The following FBXO16 variants were observed in gnomAD, a reference collection of about 807,000 sequenced individuals.
FBXO16 encodes F-box only protein 16.
In FBXO16, 31 loss-of-function variants were observed where a neutral mutation model predicts 41.0. The ratio of observed to expected loss-of-function variants is 0.76; its 90% CI spans 0.57 to 1.02. The LOEUF (loss-of-function observed/expected upper bound fraction) is 1.02. Among genes scored for constraint, FBXO16 ranks in the 50% least tolerant of loss-of-function variants. The probability of loss-of-function intolerance (pLI) is 0.00; values close to 1 mark genes in which losing one functional copy is unlikely to be tolerated. For synonymous variants in FBXO16, 133 were observed against 117.8 expected (o/e 1.13, Z -0.84); for missense variants, 361 against 346.2 (o/e 1.04, Z -0.34).
At chr8:28,473,651 C>A (rs753854497) in intron 3 of FBXO16, 121 bp downstream of exon 3, 155 of 853,210 alleles carry the variant, frequency 1.8e-4, no homozygotes, top group Non-Finnish European at 2.8e-4. Context: ...TTCTTTCTAT[C>A]CAAGTTGAGT....
intron 7 of FBXO16, among the ~76,000 whole-genome samples, chr8:28,445,118 C>T (rs564267694): frequency 2.0e-5 from 3 of 151,800 alleles, no homozygotes; most frequent in Non-Finnish European, 4.4e-5. Context: ...TTAATGATGC[C>T]GTATGCTCTT....
At chr8:28,443,327 G>T (rs1802809455) in intron 7 of FBXO16, among the ~76,000 whole-genome samples, 1 of 152,084 alleles carries the variant, frequency 6.6e-6, no homozygotes, top group Non-Finnish European at 1.5e-5. Flanking sequence ...CCCTGGCCAT[G>T]TGTCCTCTTT....
intron 4 of FBXO16, among the ~76,000 whole-genome samples, chr8:28,457,574 A>C (rs1803058759): frequency 6.6e-6 from 1 of 152,186 alleles, no homozygotes; most frequent in African/African-American, 2.4e-5. Context: ...GAAACCCTTT[A>C]TAAAACTATC....
chr8:28,452,520 G>A (rs749245600), intron 5 of FBXO16, 44 bp from the exon 6 acceptor site: 22 of 1,584,678 alleles, frequency 1.4e-5, no homozygotes, highest in South Asian at 9.0e-5. Context: ...ACTATAATAC[G>A]CTGGGTGCGG....
chr8:28,473,646 T>A, intron 3 of FBXO16, 126 bp downstream of exon 3: 1 of 824,332 alleles, frequency 1.2e-6, no homozygotes, highest in East Asian at 2.6e-5. Flanking sequence ...TTTTTTTCTT[T>A]CTATCCAAGT....
intron 7 of FBXO16, among the ~76,000 whole-genome samples, chr8:28,441,178 T>G (rs1284206648): frequency 6.6e-6 from 1 of 152,114 alleles, no homozygotes. Context: ...CTCCCCTACC[T>G]AATGTTGGCT....
intron 2 of FBXO16, among the ~76,000 whole-genome samples, chr8:28,481,372 G>A (rs1803509975): frequency 6.6e-6 from 1 of 152,104 alleles, no homozygotes; most frequent in Admixed American, 6.6e-5. Flanking sequence ...TAAGCGGGTG[G>A]AGAAGAGAGG....
chr8:28,481,109 G>A (rs545769404), intron 2 of FBXO16, among the ~76,000 whole-genome samples: 34 of 152,312 alleles, frequency 2.2e-4, no homozygotes, highest in African/African-American at 8.2e-4. Flanking sequence ...CAGGGGTGGA[G>A]CCGGGAAGTT....
intron 6 of FBXO16, among the ~76,000 whole-genome samples, chr8:28,451,508 T>A (rs1003052034): frequency 6.7e-6 from 1 of 150,064 alleles, no homozygotes; most frequent in Admixed American, 6.7e-5. Context: ...TACCGACACA[T>A]GCCACCTTAC....
intron 7 of FBXO16, among the ~76,000 whole-genome samples, 165 bp from the exon 8 acceptor site, chr8:28,429,568 C>T (rs577087682): frequency 6.6e-6 from 1 of 152,172 alleles, no homozygotes; most frequent in South Asian, 2.1e-4. Context: ...ACACAGATAT[C>T]GTAGCCTCCC....
At chr8:28,484,594 C>G (rs1300074173) in intron 1 of FBXO16, among the ~76,000 whole-genome samples, 2 of 152,118 alleles carry the variant, frequency 1.3e-5, no homozygotes, top group Non-Finnish European at 2.9e-5. Context: ...ATTTTATTAA[C>G]TGATTGATTT....
chr8:28,447,083 T>C (rs879869254), intron 7 of FBXO16, 88 bp downstream of exon 7: 19 of 1,230,444 alleles, frequency 1.5e-5, no homozygotes, highest in Non-Finnish European at 2.1e-5. Flanking sequence ...TCTGATTAAA[T>C]AAATGAATTC....
chr8:28,462,796 T>C (rs570368617), intron 4 of FBXO16, among the ~76,000 whole-genome samples: 1 of 152,318 alleles, frequency 6.6e-6, no homozygotes, highest in South Asian at 2.1e-4. Flanking sequence ...CCAAGGCCTG[T>C]ATGAGCACAC....
At chr8:28,476,045 T>A (rs7005499) in intron 2 of FBXO16, among the ~76,000 whole-genome samples, 76,277 of 151,996 alleles carry the variant, frequency 0.5, 21,233 homozygotes, top group African/African-American at 0.75. Context: ...ATTCTTGATG[T>A]ACTTCTGCCC....
intron 7 of FBXO16, among the ~76,000 whole-genome samples, chr8:28,444,974 G>A (rs1802841019): frequency 6.6e-6 from 1 of 151,694 alleles, no homozygotes; most frequent in African/African-American, 2.4e-5. Flanking sequence ...TTAGGAGGCC[G>A]ATGAGGGCAA....
At chr8:28,436,707 G>A (rs958879799) in intron 7 of FBXO16, among the ~76,000 whole-genome samples, 9 of 152,012 alleles carry the variant, frequency 5.9e-5, no homozygotes, top group African/African-American at 1.5e-4. Context: ...ACCATATTAC[G>A]AAACACACAT....
chr8:28,464,918 C>T (rs370841574), intron 3 of FBXO16, among the ~76,000 whole-genome samples: 11 of 152,256 alleles, frequency 7.2e-5, no homozygotes, highest in African/African-American at 2.2e-4. Flanking sequence ...TCCCAAAGTG[C>T]TAAGACTACA....
At chr8:28,470,907 G>A (rs771053310) in intron 3 of FBXO16, among the ~76,000 whole-genome samples, 10 of 152,112 alleles carry the variant, frequency 6.6e-5, no homozygotes, top group Non-Finnish European at 1.3e-4. Flanking sequence ...TCTGATTATG[G>A]TGGTTTCCAG....
At chr8:28,463,573 G>A (rs1162245160) in intron 4 of FBXO16, 39 bp downstream of exon 4, 1 of 1,604,590 alleles carries the variant, frequency 6.2e-7, no homozygotes, top group Non-Finnish European at 8.5e-7. Flanking sequence ...TCCTAAGGCT[G>A]TCCTCACAAA....
Sources: allele counts gnomAD v4.1 joint callset (sites outside exome capture counted in the v4.1 genomes callset), GRCh38; gene constraint gnomAD v4.1.1; transcripts MANE v1.5; gene names NCBI Gene and HGNC (gene_info 2026-07-23, HGNC 2026-07-21).